The following STAT5B variants were observed in gnomAD, a reference collection of about 807,000 sequenced individuals.
The protein encoded by STAT5B is signal transducer and activator of transcription 5B, also known as transcription factor STAT5B.
In STAT5B, 21 loss-of-function variants were observed where a neutral mutation model predicts 107.8. That is an observed-to-expected ratio of 0.19 (90% CI 0.14 to 0.28). The LOEUF (loss-of-function observed/expected upper bound fraction) is 0.28. Among genes scored for constraint, STAT5B ranks in the 10% least tolerant of loss-of-function variants. The pLI is 1.00. For missense variants in STAT5B, 565 were observed against 1,008.2 expected, an observed-to-expected ratio of 0.56 and a Z score of 5.95; for synonymous variants, 325 against 401.7, an observed-to-expected ratio of 0.81 and a Z score of 2.28.
the STAT5B span, among the ~76,000 whole-genome samples, chr17:42,284,663 T>G: frequency 6.6e-6 from 1 of 152,208 alleles, no homozygotes; most frequent in Non-Finnish European, 1.5e-5. Context: ...GGGTGTAGGC[T>G]GGGCGAGAAT....
In STAT5B at chr17:42,248,087, G is replaced by A. The variant is rs190477052; in HGVS notation, c.-10-15950C>T. Among the ~76,000 whole-genome samples, 857 of 151,910 alleles carry A rather than the reference G, an allele frequency of 5.6e-3. 5 individuals are homozygous for A. Among genetic ancestry groups the A allele is most frequent in the Middle Eastern group, 0.034 (10 of 292 alleles). On this transcript the variant is annotated intron_variant, in intron 1 of 18. Coordinates refer to ENST00000293328, the MANE Select transcript of STAT5B (RefSeq NM_012448.4). The stretch of plus-strand genomic sequence containing the variant: ...AGGCCAGGAGTTTGAAACAAGCCTA[G>A]GCGACATAGTGAGACTCCATCTCTA...
At chr17:42,262,755 T>TGC in intron 1 of STAT5B, among the ~76,000 whole-genome samples, 1 of 142,664 alleles carries the variant, frequency 7.0e-6, no homozygotes, top group Non-Finnish European at 1.5e-5. Context: ...TATATATATG[T>TGC]GTGTATATAT....
At chr17:42,285,132 C>T in the STAT5B span, among the ~76,000 whole-genome samples, 1 of 151,616 alleles carries the variant, frequency 6.6e-6, no homozygotes, top group African/African-American at 2.4e-5. Context: ...CTCTGTTGCC[C>T]AGGCTGGAGT....
At chr17:42,248,407 A>G (rs2080470660) in intron 1 of STAT5B, among the ~76,000 whole-genome samples, 1 of 151,830 alleles carries the variant, frequency 6.6e-6, no homozygotes, top group South Asian at 2.1e-4. Flanking sequence ...TTATCCAGGT[A>G]TAAAAAGCAA....
intron 16 of STAT5B, among the ~76,000 whole-genome samples, chr17:42,204,763 C>T (rs963640824): frequency 2.0e-5 from 3 of 152,298 alleles, no homozygotes; most frequent in African/African-American, 4.8e-5. Context: ...TACAGGCATG[C>T]GCCACCAAGC....
At chr17:42,217,030 A>T in intron 11 of STAT5B, 130 bp downstream of exon 11, 1 of 1,482,736 alleles carries the variant, frequency 6.7e-7, no homozygotes, top group Non-Finnish European at 9.1e-7. Context: ...GGGTGAGGTC[A>T]GTCCATTTTC....
At position 42,227,562 on chromosome 17, in the gene STAT5B, C is replaced by G; in HGVS notation, c.252G>C (p.Lys84Asn). 6.2e-7 allele frequency: 1 copy of G among 1,613,594 alleles called. No homozygotes were observed. Among genetic ancestry groups the G allele is most frequent in the Non-Finnish European group, 8.5e-7 (1 of 1,179,882 alleles). ...HQVGEDGFLL[K>N]IKLGHYATQL... ...GTGTGGCATAGTGCCCCAGCTTGAT[C>G]TTCAGTAAAAACCCATCTTCCCCCA... The change falls in exon 3 of 19, where the codon AAG becomes AAC. Residue 84 changes from lysine (K) to asparagine (N), a missense_variant. This residue lies in a region of STAT5B where 83 missense variants were observed against 145.1 expected (regional missense o/e 0.57). Coordinates refer to ENST00000293328, the MANE Select transcript of STAT5B (RefSeq NM_012448.4).
At chr17:42,216,322 A>G (rs1264428741) in intron 11 of STAT5B, among the ~76,000 whole-genome samples, 1 of 152,204 alleles carries the variant, frequency 6.6e-6, no homozygotes, top group African/African-American at 2.4e-5. Context: ...TGTTGCTTAG[A>G]TATTTCTGAA....
intron 1 of STAT5B, among the ~76,000 whole-genome samples, chr17:42,256,937 G>A (rs1224131328): frequency 6.9e-6 from 1 of 145,602 alleles, no homozygotes; most frequent in African/African-American, 2.6e-5. Context: ...ATCTCTTACT[G>A]TGCCTAATTT....
At chr17:42,258,683 C>G (rs779042771) in intron 1 of STAT5B, among the ~76,000 whole-genome samples, 13 of 152,170 alleles carry the variant, frequency 8.5e-5, no homozygotes, top group Non-Finnish European at 1.8e-4. Context: ...CGTCTCAAAA[C>G]AAACAAACAA....
At chr17:42,266,480 T>C (rs2080672745) in intron 1 of STAT5B, among the ~76,000 whole-genome samples, 1 of 151,786 alleles carries the variant, frequency 6.6e-6, no homozygotes, top group Non-Finnish European at 1.5e-5. Flanking sequence ...GTTTTCTTAC[T>C]TAAGGACCCA....
At chr17:42,208,483 C>T (rs1391455811) in intron 15 of STAT5B, among the ~76,000 whole-genome samples, 1 of 151,146 alleles carries the variant, frequency 6.6e-6, no homozygotes, top group Non-Finnish European at 1.5e-5. Context: ...GTGACAGAGA[C>T]CCCATCTCAA....
chr17:42,262,772 A>ATATATG (rs2080612100), intron 1 of STAT5B, among the ~76,000 whole-genome samples: 1 of 135,148 alleles, frequency 7.4e-6, no homozygotes, highest in Non-Finnish European at 1.6e-5. Context: ...ATATATACAT[A>ATATATG]TATGTATATA....
intron 1 of STAT5B, among the ~76,000 whole-genome samples, chr17:42,265,377 C>CTTTTTTTTTTTTTTTTTTCTTTTTTTTTT (rs371149930): frequency 9.0e-6 from 1 of 110,596 alleles, no homozygotes; most frequent in Non-Finnish European, 1.9e-5. Flanking sequence ...ATGTACTCTT[C>CTTTTTTTTTTTTTTTTTTCTTTTTTTTTT]TTTTTTTTTT....
chr17:42,235,859 A>G (rs1230494268), intron 1 of STAT5B, among the ~76,000 whole-genome samples: 1 of 152,186 alleles, frequency 6.6e-6, no homozygotes, highest in Admixed American at 6.5e-5. Context: ...ATACTTGCGG[A>G]GCGAATAAAT....
chr17:42,217,505 G>T, intron 9 of STAT5B, 41 bp from the exon 10 acceptor site: 2 of 1,608,378 alleles, frequency 1.2e-6, no homozygotes, highest in South Asian at 2.2e-5. Flanking sequence ...CCATGCCAGG[G>T]TCTCAGGACA....
rs200266401 is a variant in STAT5B, at chr17:42,262,232, C to T, written c.-11+14016G>A. Among the ~76,000 whole-genome samples the T allele has an allele frequency of 3.9e-5, 6 of 152,154 alleles. No individual in the cohort carries two copies. In the East Asian group the frequency reaches 1.2e-3, roughly 30 times the overall value. On this transcript the variant is annotated intron_variant, in intron 1 of 18. Transcript: ENST00000293328. ...CTAGAGTACAGTGGAGCGATCACAG[C>T]TCACTGTATCCTCCACCTCCCAGGC...
intron 1 of STAT5B, among the ~76,000 whole-genome samples, chr17:42,232,574 G>T (rs548052645): frequency 2.6e-5 from 4 of 152,014 alleles, no homozygotes; most frequent in African/African-American, 9.7e-5. Context: ...AGCCCTTTTG[G>T]TAGACTAAAG....
chr17:42,280,500 C>A (rs1443641714), upstream of STAT5B, among the ~76,000 whole-genome samples: 1 of 152,182 alleles, frequency 6.6e-6, no homozygotes, highest in Non-Finnish European at 1.5e-5. Context: ...GTTATTATGG[C>A]TTCCCTCCTG....
Sources: gnomAD v4.1 joint callset for allele counts (sites outside exome capture counted in the v4.1 genomes callset) on GRCh38, gnomAD v4.1.1 for gene constraint, gnomAD v4.1.1 regional missense constraint, MANE v1.5 for transcripts, NCBI Gene and HGNC (gene_info 2026-07-23, HGNC 2026-07-21) for gene names.